The following ADGRB3 variants were observed in gnomAD, a reference collection of about 807,000 sequenced individuals.
ADGRB3 encodes the protein adhesion G protein-coupled receptor B3.
ADGRB3 carries 37 observed loss-of-function variants against 193.4 expected under a neutral mutation model. The observed-to-expected ratio is 0.19, with a 90% CI of 0.15 to 0.25. The LOEUF (loss-of-function observed/expected upper bound fraction) is 0.25. Ranked by LOEUF, ADGRB3 falls within the 10% of genes least tolerant of loss-of-function variation. The pLI, the probability that ADGRB3 is intolerant of heterozygous loss-of-function variation, is 1.00. For missense variants in ADGRB3, 1,637 were observed against 1,852.9 expected (o/e 0.88, Z 2.14); for synonymous variants, 690 against 644.2 (o/e 1.07, Z -1.08).
chr6:69,204,566 G>C (rs1474720798), intron 17 of ADGRB3, among the ~76,000 whole-genome samples: 1 of 151,916 alleles, frequency 6.6e-6, no homozygotes, highest in South Asian at 2.1e-4. Flanking sequence ...CCCACTACTG[G>C]TATGTTTAGT....
chr6:68,757,380 T>G (rs1025808380), intron 3 of ADGRB3, among the ~76,000 whole-genome samples: 2 of 152,164 alleles, frequency 1.3e-5, no homozygotes, highest in African/African-American at 4.8e-5. Flanking sequence ...CACTGTGCTT[T>G]TTTTGCTAAA....
intron 3 of ADGRB3, among the ~76,000 whole-genome samples, chr6:68,847,430 T>C (rs1347191064): frequency 2.0e-5 from 3 of 152,204 alleles, no homozygotes; most frequent in African/African-American, 7.2e-5. Context: ...TCTTGAATTG[T>C]ATCTCCCAGA....
chr6:68,832,346 A>G (rs1308945582), intron 3 of ADGRB3, among the ~76,000 whole-genome samples: 1 of 152,092 alleles, frequency 6.6e-6, no homozygotes, highest in East Asian at 1.9e-4. Context: ...GTCTTAGTAA[A>G]GACACTTATC....
chr6:68,781,587 T>C (rs902385251), intron 3 of ADGRB3, among the ~76,000 whole-genome samples: 2 of 152,046 alleles, frequency 1.3e-5, no homozygotes, highest in Admixed American at 1.3e-4. Flanking sequence ...GCTGGGAAGA[T>C]ATATTCATAC....
intron 10 of ADGRB3, among the ~76,000 whole-genome samples, chr6:68,985,555 A>G (rs1769046585): frequency 6.6e-6 from 1 of 152,116 alleles, no homozygotes; most frequent in Non-Finnish European, 1.5e-5. Flanking sequence ...AGTTCTGGTC[A>G]ATTGGTTGTG....
At chr6:68,833,639 C>T (rs1767995582) in intron 3 of ADGRB3, among the ~76,000 whole-genome samples, 1 of 151,170 alleles carries the variant, frequency 6.6e-6, no homozygotes, top group South Asian at 2.1e-4. Context: ...ATCAGTAAAC[C>T]AATTAGCTAC....
intron 3 of ADGRB3, among the ~76,000 whole-genome samples, chr6:68,805,002 A>G (rs1009433866): frequency 4.0e-5 from 6 of 151,840 alleles, no homozygotes; most frequent in African/African-American, 9.7e-5. Context: ...ATCATAGTTG[A>G]CTGCATCCTC....
At chr6:68,862,277 C>G (rs1336564845) in intron 3 of ADGRB3, among the ~76,000 whole-genome samples, 1 of 152,092 alleles carries the variant, frequency 6.6e-6, no homozygotes, top group Non-Finnish European at 1.5e-5. Context: ...AAAGTTGTGA[C>G]ATTAATTTTT....
chr6:68,787,559 T>G (rs2080030685), intron 3 of ADGRB3, among the ~76,000 whole-genome samples: 1 of 152,202 alleles, frequency 6.6e-6, no homozygotes, highest in Non-Finnish European at 1.5e-5. Flanking sequence ...GGTTTGCCAG[T>G]ATTTTACTGA....
chr6:69,090,615 C>A (rs2150317407), intron 17 of ADGRB3, among the ~76,000 whole-genome samples: 1 of 152,230 alleles, frequency 6.6e-6, no homozygotes, highest in Admixed American at 6.5e-5. Flanking sequence ...AAATAGTGAA[C>A]AAGGTATAGG....
chr6:69,113,499 C>A (rs924474105), intron 17 of ADGRB3, among the ~76,000 whole-genome samples: 2 of 151,938 alleles, frequency 1.3e-5, no homozygotes, highest in African/African-American at 2.4e-5. Flanking sequence ...TAATTAGTAA[C>A]CACAGTAGAC....
At chr6:69,378,863 C>T (rs1769887752) in intron 30 of ADGRB3, among the ~76,000 whole-genome samples, 1 of 151,986 alleles carries the variant, frequency 6.6e-6, no homozygotes, top group African/African-American at 2.4e-5. Context: ...TCATTTTTCT[C>T]AAATATCTGA....
At chr6:68,675,135 G>T (rs1769059173) in intron 3 of ADGRB3, among the ~76,000 whole-genome samples, 1 of 152,130 alleles carries the variant, frequency 6.6e-6, no homozygotes, top group Non-Finnish European at 1.5e-5. Flanking sequence ...AGGAAAAAAG[G>T]TAATATTTTC....
chr6:69,248,646 G>C (rs1442041420), intron 20 of ADGRB3, among the ~76,000 whole-genome samples: 1 of 152,198 alleles, frequency 6.6e-6, no homozygotes, highest in African/African-American at 2.4e-5. Flanking sequence ...TATGCTGTCT[G>C]TTGAATCTAT....
chr6:68,955,660 C>T (rs186566448), intron 6 of ADGRB3, among the ~76,000 whole-genome samples: 40 of 152,068 alleles, frequency 2.6e-4, no homozygotes, highest in Non-Finnish European at 5.3e-4. Context: ...GGTGTGGTGA[C>T]AGGCACCTGT....
At chr6:68,663,690 A>G (rs1768728242) in intron 3 of ADGRB3, among the ~76,000 whole-genome samples, 1 of 151,828 alleles carries the variant, frequency 6.6e-6, no homozygotes, top group South Asian at 2.1e-4. Flanking sequence ...GAATAGAAAT[A>G]ATTTTAAAGT....
chr6:69,043,244 AG>A (rs368767324), intron 13 of ADGRB3, among the ~76,000 whole-genome samples: 1 of 135,524 alleles, frequency 7.4e-6, no homozygotes, highest in South Asian at 2.4e-4. Flanking sequence ...GGAGAAAGAA[AG>A]AAGAAAGAGA....
intron 13 of ADGRB3, among the ~76,000 whole-genome samples, chr6:69,020,614 A>T (rs1340076403): frequency 6.6e-6 from 1 of 152,058 alleles, no homozygotes; most frequent in Non-Finnish European, 1.5e-5. Context: ...ATCATTGTCC[A>T]TCTTGCCTGA....
intron 20 of ADGRB3, among the ~76,000 whole-genome samples, chr6:69,295,371 T>C (rs549951679): frequency 6.6e-6 from 1 of 152,234 alleles, no homozygotes; most frequent in Non-Finnish European, 1.5e-5. Context: ...GAACTTGGCC[T>C]TCATTTTTAG....
Sources: gnomAD v4.1 joint callset for allele counts (sites outside exome capture counted in the v4.1 genomes callset) on GRCh38, gnomAD v4.1.1 for gene constraint, MANE v1.5 for transcripts, NCBI Gene and HGNC (gene_info 2026-07-23, HGNC 2026-07-21) for gene names.